Variants in DOP1A observed in about 807,000 individuals in gnomAD.
DOP1A encodes DOP1 leucine zipper like protein A.
In DOP1A, 90 loss-of-function variants were observed where a neutral mutation model predicts 267.6. That is an observed-to-expected ratio of 0.34 (90% CI 0.28 to 0.40). DOP1A has a LOEUF of 0.40. Among genes scored for constraint, DOP1A ranks in the 10% least tolerant of loss-of-function variants. DOP1A has a pLI of 1.00. For missense variants in DOP1A, 2,437 were observed against 2,900.4 expected (o/e 0.84, Z 3.67); for synonymous variants, 932 against 999.1 (o/e 0.93, Z 1.27).
chr6:83,111,259 A>G (rs774030263), intron 6 of DOP1A, among the ~76,000 whole-genome samples: 1 of 152,006 alleles, frequency 6.6e-6, no homozygotes, highest in Non-Finnish European at 1.5e-5. Context: ...TTGTGTTCAC[A>G]TACCATTAAT....
At chr6:83,129,856 C>T (rs756936915) in intron 16 of DOP1A, among the ~76,000 whole-genome samples, 7 of 152,048 alleles carry the variant, frequency 4.6e-5, no homozygotes, top group Non-Finnish European at 7.4e-5. Flanking sequence ...GCAGTGAATA[C>T]TACATAATGC....
intron 4 of DOP1A, among the ~76,000 whole-genome samples, chr6:83,106,318 T>C (rs73483033): frequency 0.017 from 2,610 of 152,330 alleles, 92 homozygotes; most frequent in African/African-American, 0.059. Flanking sequence ...TAAATCTAGA[T>C]TGCAGACTAG....
rs1348328135 is a variant in DOP1A, at chr6:83,137,358, C to T, written c.3316C>T (p.Leu1106Phe). The change falls in exon 21 of 39, where the codon CTT (leucine) becomes TTT (phenylalanine). Residue 1106 changes from leucine to phenylalanine, a missense_variant. Leu to Phe is a conservative substitution (Grantham distance 22). Coordinates refer to ENST00000349129, the MANE Select transcript of DOP1A (RefSeq NM_015018.4). ...TCTTCCAGACCAACAGATAGAAATA[C>T]TTCAGAGTTCTGACTCGGGATGTTC... Reference protein sequence around the residue: ...FDLPDQQIEILQSSDSGCSQS... With the variant: ...FDLPDQQIEIFQSSDSGCSQS... 4.3e-6 allele frequency: 7 copies of T among 1,613,702 alleles called. No individual in the cohort carries two copies. Among genetic ancestry groups the T allele is most frequent in the Non-Finnish European group, 5.9e-6 (7 of 1,179,838 alleles).
intron 1 of DOP1A, among the ~76,000 whole-genome samples, chr6:83,095,212 C>T (rs371136726): frequency 6.6e-6 from 1 of 152,190 alleles, no homozygotes; most frequent in African/African-American, 2.4e-5. Context: ...GGATTACAGG[C>T]GTGAGCCACC....
rs73749705 is a variant in DOP1A, at chr6:83,119,403, G to A, written c.881-345G>A. ...AGTAATACATATGTACACTTTGGTC[G>A]TCCATGCTTTTTGTGTGTTTTGTCT... is the stretch of plus-strand genomic sequence containing the variant. On this transcript the variant is annotated intron_variant, in intron 8 of 38. Transcript: ENST00000349129. Among the ~76,000 whole-genome samples the A allele has an allele frequency of 4.2e-3, 644 of 152,182 alleles. 3 individuals carry two copies. Among genetic ancestry groups the A allele is most frequent in the African/African-American group, 0.014 (600 of 41,558 alleles).
At chr6:83,153,742 G>T in intron 31 of DOP1A, 122 bp downstream of exon 31, 1 of 1,162,876 alleles carries the variant, frequency 8.6e-7, no homozygotes, top group Non-Finnish European at 1.2e-6. Flanking sequence ...AATTATAATT[G>T]TTTAAAAAAA....
chr6:83,109,190 G>A (rs1365710192), intron 5 of DOP1A, 110 bp downstream of exon 5: 2 of 898,904 alleles, frequency 2.2e-6, no homozygotes, highest in South Asian at 1.8e-5. Context: ...AGACAGTTCA[G>A]TATATCACAT....
chr6:83,145,474 C>T, intron 24 of DOP1A, 50 bp from the exon 25 acceptor site: 1 of 1,432,396 alleles, frequency 7.0e-7, no homozygotes, highest in South Asian at 1.4e-5. Flanking sequence ...GTAACTTCCC[C>T]TAAAAGACTT....
intron 4 of DOP1A, among the ~76,000 whole-genome samples, chr6:83,103,956 TA>T (rs1210681567): frequency 6.6e-6 from 1 of 152,212 alleles, no homozygotes; most frequent in East Asian, 1.9e-4. Context: ...GCTTAACTTT[TA>T]AAACTTTCTA....
chr6:83,089,581 AACT>A (rs1447549762), intron 1 of DOP1A, among the ~76,000 whole-genome samples: 1 of 152,230 alleles, frequency 6.6e-6, no homozygotes, highest in Non-Finnish European at 1.5e-5. Flanking sequence ...AAGTCAGAGA[AACT>A]ACGATTAACA....
Position 83,155,964 on chromosome 6 carries a change from G to C in DOP1A, c.6465G>C (p.Val2155=). 1 of 1,612,170 alleles carries C rather than the reference G, an allele frequency of 6.2e-7. No individual in the cohort carries two copies. The highest frequency in any genetic ancestry group is 1.7e-5 in the Admixed American group (1 of 59,600). ...TFRDLMTRVA[V]AQSSSLNLFA... ...TTGCTTTTTCAGCTCGTGTAGCAGT[G>C]GCTCAAAGCAGTTCACTTAATCTCT... is the stretch of plus-strand genomic sequence containing the variant. The change falls in exon 34 of 39, where the codon GTG becomes GTC. Residue 2155 remains valine (V), a synonymous_variant. Transcript: ENST00000349129.
In DOP1A at chr6:83,148,836, C is replaced by T; in HGVS notation, c.5810C>T (p.Pro1937Leu). 6.5e-7 allele frequency: 1 copy of T among 1,547,196 alleles called. No individual in the cohort carries two copies. Among genetic ancestry groups the T allele is most frequent in the Non-Finnish European group, 8.6e-7 (1 of 1,157,412 alleles). ...LLKDSIQLSL[P>L]APGQFLILGV... Reference sequence around the variant, plus strand: ...AAAGACTCTATACAACTGAGTCTTCCAGCTCCAGGGCAGTTTCTTATACTT... The same window carrying T: ...AAAGACTCTATACAACTGAGTCTTCTAGCTCCAGGGCAGTTTCTTATACTT... Residue 1937 changes from proline (P) to leucine (L), a missense_variant, in exon 27 of 39, where the codon CCA becomes CTA. Coordinates refer to ENST00000349129, the MANE Select transcript of DOP1A (RefSeq NM_015018.4).
intron 34 of DOP1A, 76 bp downstream of exon 34, chr6:83,156,179 T>A (rs1782743353): frequency 8.4e-7 from 1 of 1,185,954 alleles, no homozygotes; most frequent in Non-Finnish European, 1.2e-6. Context: ...CTCTAAATAC[T>A]AAGTTGGGGT....
chr6:83,072,507 T>A (rs1486651590), intron 1 of DOP1A, among the ~76,000 whole-genome samples: 1 of 152,184 alleles, frequency 6.6e-6, no homozygotes, highest in African/African-American at 2.4e-5. Context: ...TAAAGAGCCA[T>A]CTTGGATGCA....
Position 83,139,124 on chromosome 6 carries a change from T to A in DOP1A, c.5082T>A (p.Ile1694=). 2.5e-6 allele frequency: 4 copies of A among 1,613,790 alleles called. No individual in the cohort carries two copies. Among genetic ancestry groups the A allele is most frequent in the African/African-American group, 2.7e-5 (2 of 75,032 alleles). ...TGTGCAGAAATTTAGATAATCTAAT[T>A]CAGCAGTACAAATACGAAACAGGAT... ...LQLCRNLDNL[I]QQYKYETGLS... is the part of the protein sequence containing the mutation. Residue 1694 remains isoleucine (I), a synonymous_variant, in exon 21 of 39, where the codon ATT becomes ATA. Transcript: ENST00000349129.
intron 34 of DOP1A, 145 bp from the exon 35 acceptor site, chr6:83,157,035 GTT>G (rs769497434): frequency 4.3e-6 from 3 of 693,346 alleles, no homozygotes; most frequent in Non-Finnish European, 6.8e-6. Flanking sequence ...CTTATTCGTT[GTT>G]TTATGAAAAT....
At chr6:83,161,350 C>T (rs920104106) in intron 37 of DOP1A, 1 of 152,220 alleles carries the variant, frequency 6.6e-6, no homozygotes, top group East Asian at 1.9e-4. Context: ...TTTTAATTAT[C>T]TTGAAAGAGT....
chr6:83,160,002 G>T, intron 37 of DOP1A, 42 bp downstream of exon 37: 1 of 1,599,994 alleles, frequency 6.3e-7, no homozygotes, highest in Non-Finnish European at 8.5e-7. Flanking sequence ...TTTTGAAAGT[G>T]CATTTGCTTT....
intron 1 of DOP1A, among the ~76,000 whole-genome samples, chr6:83,085,756 A>C (rs1052657737): frequency 6.6e-6 from 1 of 151,574 alleles, no homozygotes; most frequent in Non-Finnish European, 1.5e-5. Context: ...GAGGAAAACC[A>C]TTGATGGGTT....
Sources: allele counts gnomAD v4.1 joint callset (sites outside exome capture counted in the v4.1 genomes callset), GRCh38; gene constraint gnomAD v4.1.1; transcripts MANE v1.5; gene names NCBI Gene and HGNC (gene_info 2026-07-23, HGNC 2026-07-21).